The following CSMD3 variants were observed in gnomAD, a reference collection of about 807,000 sequenced individuals.
CSMD3 encodes CUB and sushi domain-containing protein 3.
Under a neutral mutation model 435.2 loss-of-function variants are expected in CSMD3, and 177 were observed. That is an observed-to-expected ratio of 0.41 (90% CI 0.36 to 0.46). The LOEUF (loss-of-function observed/expected upper bound fraction) is 0.46. CSMD3 is among the 20% of genes least tolerant of loss of function. CSMD3 has a pLI of 0.34. For synonymous variants in CSMD3, 1,656 were observed against 1,520.5 expected, an observed-to-expected ratio of 1.09 and a Z score of -2.07; for missense variants, 4,265 against 4,504.6, an observed-to-expected ratio of 0.95 and a Z score of 1.52.
chr8:113,261,945 T>C (rs2093430812), intron 3 of CSMD3, among the ~76,000 whole-genome samples: 1 of 152,076 alleles, frequency 6.6e-6, no homozygotes, highest in South Asian at 2.1e-4. Flanking sequence ...AATAACCTTG[T>C]AGAATCATTA....
intron 38 of CSMD3, among the ~76,000 whole-genome samples, chr8:112,364,065 A>C (rs989893066): frequency 2.0e-5 from 3 of 152,120 alleles, no homozygotes; most frequent in African/African-American, 7.2e-5. Flanking sequence ...TATAAAAGTA[A>C]ACTCATTAAG....
chr8:113,083,732 G>A (rs768143412), intron 5 of CSMD3, among the ~76,000 whole-genome samples: 5 of 152,086 alleles, frequency 3.3e-5, no homozygotes, highest in African/African-American at 4.8e-5. Flanking sequence ...ATTTTCAATT[G>A]AAAGGTAGAG....
At chr8:112,852,541 A>G (rs1052638365) in intron 11 of CSMD3, among the ~76,000 whole-genome samples, 1 of 152,162 alleles carries the variant, frequency 6.6e-6, no homozygotes, top group African/African-American at 2.4e-5. Context: ...GAATACGAGA[A>G]GTACTTTGTA....
intron 3 of CSMD3, among the ~76,000 whole-genome samples, chr8:113,241,947 C>CTATATATATA (rs753893968): frequency 3.4e-4 from 51 of 149,268 alleles, no homozygotes; most frequent in African/African-American, 1.2e-3. Flanking sequence ...TAAAAAATTA[C>CTATATATATA]TATATATATA....
intron 6 of CSMD3, among the ~76,000 whole-genome samples, chr8:113,005,704 T>C (rs1452913465): frequency 6.6e-6 from 1 of 152,048 alleles, no homozygotes; most frequent in East Asian, 1.9e-4. Context: ...ATAATGTAAA[T>C]AGGATTCCAA....
At chr8:113,061,539 T>C (rs2088611626) in intron 5 of CSMD3, among the ~76,000 whole-genome samples, 1 of 152,120 alleles carries the variant, frequency 6.6e-6, no homozygotes, top group Admixed American at 6.6e-5. Flanking sequence ...TGTTTTTGAA[T>C]TGATTAGTAA....
intron 1 of CSMD3, among the ~76,000 whole-genome samples, chr8:113,420,357 A>C (rs1189084142): frequency 2.0e-5 from 3 of 152,126 alleles, no homozygotes; most frequent in African/African-American, 7.2e-5. Context: ...ATTTTTCAAC[A>C]TGCTGAATTA....
At chr8:113,141,840 T>A (rs1210031298) in intron 4 of CSMD3, among the ~76,000 whole-genome samples, 2 of 150,998 alleles carry the variant, frequency 1.3e-5, no homozygotes, top group African/African-American at 4.8e-5. Context: ...CACAAAGGAT[T>A]AAAAATAACA....
intron 27 of CSMD3, among the ~76,000 whole-genome samples, chr8:112,538,148 C>T (rs893830892): frequency 6.6e-6 from 1 of 151,952 alleles, no homozygotes; most frequent in African/African-American, 2.4e-5. Context: ...TTCAGCATCC[C>T]TTAATGATAA....
intron 35 of CSMD3, among the ~76,000 whole-genome samples, chr8:112,395,867 T>G (rs1465971387): frequency 2.0e-5 from 3 of 152,144 alleles, no homozygotes; most frequent in Non-Finnish European, 2.9e-5. Flanking sequence ...TATTTTTCAG[T>G]TTTTCATTGG....
chr8:112,262,158 T>C (rs553515191), intron 61 of CSMD3, among the ~76,000 whole-genome samples: 1 of 152,196 alleles, frequency 6.6e-6, no homozygotes, highest in South Asian at 2.1e-4. Flanking sequence ...CTGATAAATC[T>C]AGCACTGATT....
At chr8:112,462,390 T>C (rs1205456475) in intron 32 of CSMD3, among the ~76,000 whole-genome samples, 1 of 152,248 alleles carries the variant, frequency 6.6e-6, no homozygotes, top group African/African-American at 2.4e-5. Flanking sequence ...TCTAGCTTCA[T>C]GTTCCTGCAC....
intron 17 of CSMD3, among the ~76,000 whole-genome samples, chr8:112,665,575 AG>A (rs1485035941): frequency 6.6e-6 from 1 of 152,134 alleles, no homozygotes; most frequent in Non-Finnish European, 1.5e-5. Context: ...TGCTTAAATA[AG>A]TTTTTTTGTT....
intron 7 of CSMD3, among the ~76,000 whole-genome samples, chr8:112,971,262 G>A (rs1358060260): frequency 6.6e-6 from 1 of 152,066 alleles, no homozygotes; most frequent in African/African-American, 2.4e-5. Context: ...CACATCACAA[G>A]AGCTAAAACA....
At chr8:112,263,963 C>A in intron 60 of CSMD3, 151 bp from the exon 61 acceptor site, 3 of 771,706 alleles carry the variant, frequency 3.9e-6, no homozygotes, top group Non-Finnish European at 6.6e-6. Context: ...TGGTAGTGTT[C>A]CTGAGTCATT....
At chr8:112,761,687 A>T (rs1036773593) in intron 13 of CSMD3, among the ~76,000 whole-genome samples, 5 of 151,922 alleles carry the variant, frequency 3.3e-5, no homozygotes, top group African/African-American at 1.2e-4. Flanking sequence ...AACATTTTTT[A>T]TTTTGCATCT....
intron 3 of CSMD3, among the ~76,000 whole-genome samples, chr8:113,224,294 T>A (rs193012133): frequency 1.7e-3 from 262 of 151,312 alleles, no homozygotes; most frequent in South Asian, 9.8e-3. Context: ...CTGAAACTGG[T>A]CCTCCTGTCT....
At chr8:112,662,489 G>C (rs1012889971) in intron 17 of CSMD3, among the ~76,000 whole-genome samples, 13 of 151,950 alleles carry the variant, frequency 8.6e-5, no homozygotes, top group Admixed American at 2.0e-4. Flanking sequence ...GCTGAAACTG[G>C]ATCCCTTCCT....
At chr8:113,066,798 A>G (rs936916512) in intron 5 of CSMD3, among the ~76,000 whole-genome samples, 2 of 150,616 alleles carry the variant, frequency 1.3e-5, no homozygotes, top group Admixed American at 6.6e-5. Flanking sequence ...CTCTAGAGAA[A>G]GTAGAGCTAG....
Sources: allele counts gnomAD v4.1 joint callset (sites outside exome capture counted in the v4.1 genomes callset), GRCh38; gene constraint gnomAD v4.1.1; transcripts MANE v1.5; gene names NCBI Gene and HGNC (gene_info 2026-07-23, HGNC 2026-07-21).